Variants in MEP1A observed in about 807,000 individuals in gnomAD.
MEP1A encodes meprin A subunit alpha.
A neutral mutation model predicts 84.5 loss-of-function variants in MEP1A; 68 were observed. That is an observed-to-expected ratio of 0.80 (90% CI 0.66 to 0.98). The LOEUF (loss-of-function observed/expected upper bound fraction) is 0.98. Among genes scored for constraint, MEP1A ranks in the 50% least tolerant of loss-of-function variants. The pLI is 0.00. For missense variants in MEP1A, 887 were observed against 919.9 expected, an observed-to-expected ratio of 0.96 and a Z score of 0.46; for synonymous variants, 337 against 336.8, an observed-to-expected ratio of 1.00 and a Z score of -0.01.
chr6:46,825,626 A>G, intron 8 of MEP1A, 133 bp downstream of exon 8: 1 of 683,564 alleles, frequency 1.5e-6, no homozygotes. Context: ...AAACTGCGTA[A>G]CTTTTGTTGG....
Position 46,833,554 on chromosome 6 carries a change from G to C in MEP1A, c.1609+16G>C, listed in dbSNP as rs374115181. 2.5e-6 allele frequency: 4 copies of C among 1,598,432 alleles called. No individual in the cohort carries two copies. In the African/African-American group the frequency reaches 4.0e-5, roughly 16 times the overall value. ...ACATCTCCAGGTGGGTGGTGTCAGCGCAAATAAGAACTGCCCCTTGAACCA... is the reference window on the plus strand; with the variant it reads ...ACATCTCCAGGTGGGTGGTGTCAGCCCAAATAAGAACTGCCCCTTGAACCA... On this transcript the variant is annotated intron_variant, in intron 11 of 13. Coordinates refer to ENST00000230588, the MANE Select transcript of MEP1A (RefSeq NM_005588.3).
chr6:46,839,334 T>TC lies in MEP1A; in HGVS notation c.*198_*199insC. 7 of 469,698 alleles carry TC rather than the reference T, an allele frequency of 1.5e-5. No individual in the cohort carries two copies. The highest frequency in any genetic ancestry group is 2.0e-5 in the African/African-American group (1 of 50,972). The allele number at this position is 469,698 out of a possible 1,614,324, so 29.1% of individuals were successfully genotyped here. On this transcript the variant is annotated 3_prime_UTR_variant, in exon 14 of 14. Transcript: ENST00000230588. ...CTTTGCTATGTGCTCCTAATGTATC[T>TC]AGTGTGTCCTGTGACAACACTCATC... is the stretch of plus-strand genomic sequence containing the variant.
rs145908593 is a variant in MEP1A at position 46,809,530 on chromosome 6, T to A, written c.373T>A (p.Phe125Ile). ...GAGCTCATATATCATATTTCAACAG[T>A]TTGATGGGTTGGTATGAAATTTTAC... is the stretch of plus-strand genomic sequence containing the variant. ...GESSYIIFQQ[F>I]DGCWSEVGDQ... Residue 125 changes from phenylalanine to isoleucine, a missense_variant, in exon 6 of 14, where the codon TTT (phenylalanine) becomes ATT (isoleucine). By Grantham distance (21) the Phe-to-Ile change is conservative. Coordinates refer to ENST00000230588, the MANE Select transcript of MEP1A (RefSeq NM_005588.3). The A allele has an allele frequency of 5.7e-6, 9 of 1,589,384 alleles. No homozygotes were observed. Among genetic ancestry groups the A allele is most frequent in the Non-Finnish European group, 7.7e-6 (9 of 1,162,118 alleles).
At chr6:46,836,608 G>T (rs985345518) in intron 13 of MEP1A, among the ~76,000 whole-genome samples, 2 of 152,074 alleles carry the variant, frequency 1.3e-5, no homozygotes, top group African/African-American at 4.8e-5. Context: ...TAAATTACAG[G>T]CCTTATTCAG....
intron 10 of MEP1A, among the ~76,000 whole-genome samples, chr6:46,832,189 G>A (rs1393516119): frequency 6.6e-6 from 1 of 152,194 alleles, no homozygotes; most frequent in Non-Finnish European, 1.5e-5. Flanking sequence ...CCACTTGGAA[G>A]CATTTTTCCT....
At chr6:46,820,796 C>T (rs975394201) in intron 7 of MEP1A, among the ~76,000 whole-genome samples, 1 of 151,932 alleles carries the variant, frequency 6.6e-6, no homozygotes, top group Admixed American at 6.6e-5. Flanking sequence ...AAAGTCAATG[C>T]TGTGTTTCTG....
At position 46,825,106 on chromosome 6, in the gene MEP1A, A is replaced by C. The variant is rs9369639; in HGVS notation, c.557-166A>C. On this transcript the variant is annotated intron_variant, in intron 7 of 13. Coordinates refer to ENST00000230588, the MANE Select transcript of MEP1A (RefSeq NM_005588.3). Reference sequence around the variant, plus strand: ...TATTTATAAATTATGTATTTAAATAAATCTATTTAAATATTTATAAATTAT... The same window carrying C: ...TATTTATAAATTATGTATTTAAATACATCTATTTAAATATTTATAAATTAT... 2.4e-5 allele frequency among the ~76,000 whole-genome samples: 2 copies of C among 82,546 alleles called. 1 individual carries two copies. The highest frequency in any genetic ancestry group is 6.9e-4 in the East Asian group (2 of 2,884). The allele number at this position is 82,546 out of a possible 152,430, so 54.2% of individuals were successfully genotyped here.
chr6:46,802,564 G>T (rs10948311), intron 5 of MEP1A, among the ~76,000 whole-genome samples: 3,207 of 151,586 alleles, frequency 0.021, 46 homozygotes, highest in South Asian at 0.039. Context: ...ACCATATATT[G>T]CTTTTTCTTG....
intron 10 of MEP1A, among the ~76,000 whole-genome samples, chr6:46,830,191 A>G (rs1320155717): frequency 7.6e-6 from 1 of 132,436 alleles, no homozygotes. Context: ...CGGAGGTTGC[A>G]GTGAGCCAAG....
chr6:46,818,737 G>C (rs1444698495), intron 6 of MEP1A, among the ~76,000 whole-genome samples: 2 of 152,104 alleles, frequency 1.3e-5, no homozygotes, highest in African/African-American at 4.8e-5. Context: ...TGCTATTTCC[G>C]AAGACATGGA....
At chr6:46,799,381 C>A (rs1767142285) in intron 5 of MEP1A, among the ~76,000 whole-genome samples, 200 bp downstream of exon 5, 2 of 152,072 alleles carry the variant, frequency 1.3e-5, no homozygotes, top group African/African-American at 4.8e-5. Flanking sequence ...TACACAGAAT[C>A]CAAGAATAAC....
chr6:46,833,564 A>G, intron 11 of MEP1A, 26 bp downstream of exon 11: 2 of 1,562,514 alleles, frequency 1.3e-6, no homozygotes, highest in African/African-American at 1.4e-5. Flanking sequence ...GCAAATAAGA[A>G]CTGCCCCTTG....
In MEP1A at chr6:46,807,560, GAAAGA is replaced by G. The variant is rs1562106636; in HGVS notation, c.263-1857_263-1853del. ...AGAAAGAAAGAAAGAAAGAAAGAAA[GAAAGA>G]AAGGAAGGAAGGAAGGAAGGAAGGA... On this transcript the variant is annotated intron_variant, in intron 5 of 13. Coordinates refer to ENST00000230588, the MANE Select transcript of MEP1A (RefSeq NM_005588.3). Among the ~76,000 whole-genome samples, 32 of 63,070 alleles carry G rather than the reference GAAAGA, an allele frequency of 5.1e-4. 1 individual carries two copies. The highest frequency in any genetic ancestry group is 2.7e-3 in the African/African-American group (31 of 11,578). The allele number at this position is 63,070 out of a possible 152,430, so 41.4% of individuals were successfully genotyped here. A position where few individuals can be genotyped will look rare whatever the true frequency, so the allele number is the denominator to read the frequency against.
At chr6:46,824,846 TATATATAAATTATATATTTAAATA>T (rs1213730989) in intron 7 of MEP1A, among the ~76,000 whole-genome samples, 4 of 87,056 alleles carry the variant, frequency 4.6e-5, no homozygotes, top group African/African-American at 2.2e-4. Context: ...ATATAAATTA[TATATATAAATTATATATTTAAATA>T]GATCTATTTA....
chr6:46,830,568 C>T (rs1362699387), intron 10 of MEP1A, among the ~76,000 whole-genome samples: 1 of 152,152 alleles, frequency 6.6e-6, no homozygotes, highest in Non-Finnish European at 1.5e-5. Context: ...AAAGCAAATA[C>T]TTTGTTTATA....
chr6:46,818,797 A>G (rs1767698826), intron 6 of MEP1A, among the ~76,000 whole-genome samples: 1 of 152,188 alleles, frequency 6.6e-6, no homozygotes, highest in Non-Finnish European at 1.5e-5. Flanking sequence ...CATAAAATAT[A>G]TGCTTGTTCA....
chr6:46,832,354 C>A (rs746562358), intron 10 of MEP1A, among the ~76,000 whole-genome samples: 1 of 152,198 alleles, frequency 6.6e-6, no homozygotes, highest in African/African-American at 2.4e-5. Context: ...ACCCAGGATC[C>A]TATGTTCTAG....
chr6:46,805,272 A>G (rs1390781920), intron 5 of MEP1A, among the ~76,000 whole-genome samples: 1 of 151,924 alleles, frequency 6.6e-6, no homozygotes, highest in Non-Finnish European at 1.5e-5. Context: ...AACCACAAAC[A>G]ATGTACGTGA....
intron 6 of MEP1A, among the ~76,000 whole-genome samples, chr6:46,817,925 G>A (rs1767679654): frequency 6.6e-6 from 1 of 152,198 alleles, no homozygotes; most frequent in African/African-American, 2.4e-5. Flanking sequence ...AGCCCTTCAG[G>A]GCACTGGTCT....
Sources: allele counts gnomAD v4.1 joint callset (sites outside exome capture counted in the v4.1 genomes callset), GRCh38; gene constraint gnomAD v4.1.1; transcripts MANE v1.5; gene names NCBI Gene and HGNC (gene_info 2026-07-23, HGNC 2026-07-21).